Variants in SUPT7L observed in about 807,000 individuals in gnomAD.
SUPT7L encodes STAGA complex 65 subunit gamma.
Under a neutral mutation model 35.7 loss-of-function variants are expected in SUPT7L, and 15 were observed. The ratio of observed to expected loss-of-function variants is 0.42; its 90% CI spans 0.28 to 0.65. SUPT7L has a LOEUF of 0.65. Ranked by LOEUF, SUPT7L falls within the 30% of genes least tolerant of loss-of-function variation. SUPT7L has a pLI of 0.23. For synonymous variants in SUPT7L, 168 were observed against 186.2 expected, an observed-to-expected ratio of 0.90 and a Z score of 0.79; for missense variants, 434 against 522.2, an observed-to-expected ratio of 0.83 and a Z score of 1.65.
chr2:27,648,515 T>G (rs1228395601), downstream of SUPT7L, among the ~76,000 whole-genome samples: 1 of 152,116 alleles, frequency 6.6e-6, no homozygotes, highest in East Asian at 1.9e-4. Context: ...TAAGACCATC[T>G]CAAAAACAAA....
Position 27,655,503 on chromosome 2 carries a change from C to T in SUPT7L, c.844G>A (p.Asp282Asn), listed in dbSNP as rs377296864. 5.6e-6 allele frequency: 9 copies of T among 1,613,944 alleles called. No homozygotes were observed. The Admixed American group carries it at 6.7e-5, about 12-fold the overall frequency. ...PVKIKEEPVS[D>N]ITFPVSEELE... ...TCCTCACTGACAGGAAAAGTGATGT[C>T]GCTCACAGGTTCCTCCTTGATCTTC... Residue 282 changes from aspartate (D) to asparagine (N), a missense_variant, in exon 5 of 6, where the codon GAC (aspartate) becomes AAC (asparagine). By Grantham distance (23) the Asp-to-Asn change is conservative. Transcript: ENST00000337768.
Position 27,661,192 on chromosome 2 carries a change from G to GA in SUPT7L, c.210dup (p.Gln71SerfsTer27), listed in dbSNP as rs1465593220. The GA allele has an allele frequency of 6.2e-7, 1 of 1,614,034 alleles. No homozygotes were observed. Among genetic ancestry groups the GA allele is most frequent in the South Asian group, 1.1e-5 (1 of 91,082 alleles). ...AGGTTGCGAAGACGTCGGTTGTGCT[G>GA]AATCAACTGAATCGTATGGATGGTG... On this transcript the variant is annotated frameshift_variant, in exon 3 of 6. Transcript: ENST00000337768. LOFTEE classifies it high-confidence loss of function.
downstream of SUPT7L, among the ~76,000 whole-genome samples, chr2:27,647,532 C>T (rs185920315): frequency 6.6e-6 from 1 of 152,166 alleles, no homozygotes. Flanking sequence ...AAAACCATCA[C>T]CCCTTCCAAG....
chr2:27,658,543 C>G (rs1340665627), intron 3 of SUPT7L, among the ~76,000 whole-genome samples: 1 of 152,118 alleles, frequency 6.6e-6, no homozygotes, highest in Non-Finnish European at 1.5e-5. Context: ...TCTGCCTACC[C>G]CTGACAAAGG....
the SUPT7L span, among the ~76,000 whole-genome samples, chr2:27,643,144 T>A: frequency 6.6e-6 from 1 of 151,430 alleles, no homozygotes; most frequent in African/African-American, 2.4e-5. This position sits in a 1 kb window ranked among gnomAD's most constrained non-coding sequence, Gnocchi z 4.0. Flanking sequence ...TGGTTTTTTT[T>A]GTTTGTTTCT....
intron 2 of SUPT7L, 152 bp downstream of exon 2, chr2:27,662,027 C>T (rs993605695): frequency 3.9e-6 from 4 of 1,016,276 alleles, no homozygotes; most frequent in Middle Eastern, 2.3e-4. Flanking sequence ...TCCCTTCCTC[C>T]AATCTCTCTT....
intron 5 of SUPT7L, among the ~76,000 whole-genome samples, chr2:27,654,356 A>G (rs1416909704): frequency 6.6e-6 from 1 of 152,168 alleles, no homozygotes; most frequent in African/African-American, 2.4e-5. Context: ...TCTCTGCCCA[A>G]CACTTTTAAA....
In SUPT7L at chr2:27,657,977, T is replaced by C. The variant is rs1461976388; in HGVS notation, c.420-308A>G. Among the ~76,000 whole-genome samples, 1 of 152,244 alleles carries C rather than the reference T, an allele frequency of 6.6e-6. No homozygotes were observed. Among genetic ancestry groups the C allele is most frequent in the East Asian group, 1.9e-4 (1 of 5,200 alleles). ...GCAACTGTTCAATTTTGATCACTTT[T>C]AGGATTAAGTTTAACAGTATAGCCC... On this transcript the variant is annotated intron_variant, in intron 3 of 5. Coordinates refer to ENST00000337768, the MANE Select transcript of SUPT7L (RefSeq NM_014860.3). The surrounding 1 kb of genome is among the most constrained non-coding windows in gnomAD (Gnocchi z 5.2).
At chr2:27,647,432 T>G (rs1186452765), downstream of SUPT7L, among the ~76,000 whole-genome samples, 2 of 152,208 alleles carry the variant, frequency 1.3e-5, no homozygotes, top group Non-Finnish European at 2.9e-5. Context: ...GAACTTACAT[T>G]TCCACCAGGA....
intron 3 of SUPT7L, among the ~76,000 whole-genome samples, chr2:27,660,347 C>T (rs1027515761): frequency 6.6e-6 from 1 of 151,878 alleles, no homozygotes; most frequent in Admixed American, 6.6e-5. Flanking sequence ...CCTCAGCCTC[C>T]CGAGTAGCTG....
At chr2:27,647,927 T>C, downstream of SUPT7L, 1 of 1,606,918 alleles carries the variant, frequency 6.2e-7, no homozygotes, top group East Asian at 2.2e-5. Flanking sequence ...GCGATACTGA[T>C]GACATTGACC....
In SUPT7L at chr2:27,652,953, AG is replaced by A. The variant is rs1473751096; in HGVS notation, c.*531del. 6.4e-6 allele frequency: 1 copy of A among 155,300 alleles called. No homozygotes were observed. The highest frequency in any genetic ancestry group is 1.4e-5 in the Non-Finnish European group (1 of 69,924). The allele number at this position is 155,300 out of a possible 1,614,324, so 9.6% of individuals were successfully genotyped here. ...AAAAGTAGCAAAAACAGTTTTAAGAAGGTGACTAATAGATAAGGTGTGTTGT... is the reference window on the plus strand; with the variant it reads ...AAAAGTAGCAAAAACAGTTTTAAGAAGTGACTAATAGATAAGGTGTGTTGT... On this transcript the variant is annotated 3_prime_UTR_variant, in exon 6 of 6. Coordinates refer to ENST00000337768, the MANE Select transcript of SUPT7L (RefSeq NM_014860.3).
At chr2:27,660,234 CTT>C (rs745426039) in intron 3 of SUPT7L, among the ~76,000 whole-genome samples, 3 of 144,628 alleles carry the variant, frequency 2.1e-5, no homozygotes, top group Admixed American at 6.9e-5. Context: ...ATTATTATTT[CTT>C]TTTTTTTTTT....
Position 27,661,277 on chromosome 2 carries a change from G to C in SUPT7L, c.126C>G (p.Pro42=), listed in dbSNP as rs1558501754. ...VEVHDPPLHQ[P]SANKPKPPTM... is the part of the protein sequence containing the mutation. ...TGGGGGGCTTCGGCTTGTTGGCTGA[G>C]GGTTGGTGCAGGGGTGGGTCATGGA... Residue 42 remains proline (P), a synonymous_variant, in exon 3 of 6, where the codon CCC becomes CCG. Coordinates refer to ENST00000337768, the MANE Select transcript of SUPT7L (RefSeq NM_014860.3). 7.4e-6 allele frequency: 12 copies of C among 1,613,736 alleles called. No homozygotes were observed. The highest frequency in any genetic ancestry group is 9.3e-6 in the Non-Finnish European group (11 of 1,179,780).
chr2:27,648,396 G>A (rs749211564), downstream of SUPT7L, among the ~76,000 whole-genome samples: 3 of 152,050 alleles, frequency 2.0e-5, no homozygotes, highest in Non-Finnish European at 4.4e-5. Flanking sequence ...ACTCACACCT[G>A]TAGTTCAAGC....
chr2:27,642,952 T>TACACACACAC, the SUPT7L span, among the ~76,000 whole-genome samples: 15 of 37,984 alleles, frequency 3.9e-4, no homozygotes, highest in East Asian at 3.6e-3. Context: ...TTTATATATA[T>TACACACACAC]ATATATACAC....
chr2:27,649,984 T>C, downstream of SUPT7L: 1 of 590,026 alleles, frequency 1.7e-6, no homozygotes, highest in South Asian at 1.9e-5. Flanking sequence ...TAGGAGACAT[T>C]TCCTTTTTGA....
At chr2:27,642,721 C>T in the SUPT7L span, among the ~76,000 whole-genome samples, 1 of 151,964 alleles carries the variant, frequency 6.6e-6, no homozygotes, top group African/African-American at 2.4e-5. Flanking sequence ...TGTGCCACCA[C>T]ACCCGGCTAA....
At position 27,657,720 on chromosome 2, in the gene SUPT7L, C is replaced by A. The variant is rs754635851; in HGVS notation, c.420-51G>T. The A allele has an allele frequency of 6.6e-7, 1 of 1,519,566 alleles. No individual in the cohort carries two copies. Among genetic ancestry groups the A allele is most frequent in the Middle Eastern group, 2.1e-4 (1 of 4,738 alleles). The allele number at this position is 1,519,566 out of a possible 1,614,324, so 94.1% of individuals were successfully genotyped here. The stretch of plus-strand genomic sequence containing the variant: ...ATTAATGTTCTTGCAAAGGGGTGAC[C>A]CCTCCTGTCTTCCCCAGGAGTTTTA... On this transcript the variant is annotated intron_variant, in intron 3 of 5. Coordinates refer to ENST00000337768, the MANE Select transcript of SUPT7L (RefSeq NM_014860.3). The surrounding 1 kb of genome is among the most constrained non-coding windows in gnomAD (Gnocchi z 5.2).
Sources: allele counts gnomAD v4.1 joint callset (sites outside exome capture counted in the v4.1 genomes callset), GRCh38; gene constraint gnomAD v4.1.1; non-coding constraint Gnocchi (gnomAD v3.1); transcripts MANE v1.5; gene names NCBI Gene and HGNC (gene_info 2026-07-23, HGNC 2026-07-21).